ATAD3A: variants seen among roughly 807,000 people sequenced by gnomAD.
ATAD3A encodes ATPase family AAA domain-containing protein 3A.
Under a neutral mutation model 73.8 loss-of-function variants are expected in ATAD3A, and 46 were observed. The observed-to-expected ratio is 0.62, with a 90% CI of 0.49 to 0.80. The LOEUF (loss-of-function observed/expected upper bound fraction) is 0.80, where lower values mean the gene tolerates loss of function less well. ATAD3A is among the 30% of genes least tolerant of loss of function. The pLI is 0.00. For synonymous variants in ATAD3A, 319 were observed against 350.0 expected (o/e 0.91, Z 0.99); for missense variants, 705 against 838.0 (o/e 0.84, Z 1.96).
At chr1:1,527,943 A>C (rs550796385) in intron 14 of ATAD3A, 81 bp downstream of exon 14, 11 of 1,449,112 alleles carry the variant, frequency 7.6e-6, no homozygotes, top group Non-Finnish European at 1.0e-5. Flanking sequence ...CATCACTTAC[A>C]AACCTTTAAC....
At chr1:1,531,266 A>G (rs1431524034) in intron 15 of ATAD3A, among the ~76,000 whole-genome samples, 1 of 151,988 alleles carries the variant, frequency 6.6e-6, no homozygotes, top group Non-Finnish European at 1.5e-5. Context: ...CATCTGGCCA[A>G]ATGGTGAAAC....
intron 10 of ATAD3A, 39 bp from the exon 11 acceptor site, chr1:1,524,234 G>A (rs749633801): frequency 1.9e-6 from 3 of 1,613,694 alleles, no homozygotes; most frequent in Non-Finnish European, 1.7e-6. Flanking sequence ...AGAGGCGGAG[G>A]GAACATCTGC....
intron 14 of ATAD3A, among the ~76,000 whole-genome samples, chr1:1,528,598 C>T (rs1641928720): frequency 6.6e-6 from 1 of 152,242 alleles, no homozygotes; most frequent in South Asian, 2.1e-4. Context: ...GTGGGCAGAG[C>T]CCTCCAGGTG....
chr1:1,532,263 T>G (rs774462178), intron 15 of ATAD3A, among the ~76,000 whole-genome samples: 12 of 152,158 alleles, frequency 7.9e-5, no homozygotes, highest in Non-Finnish European at 1.6e-4. Context: ...TCTTGTGGTG[T>G]CTTTGTCTGG....
chr1:1,529,363 G>C, intron 15 of ATAD3A, 32 bp downstream of exon 15: 2 of 1,531,902 alleles, frequency 1.3e-6, no homozygotes, highest in Non-Finnish European at 1.8e-6. Flanking sequence ...CCACCCAGAC[G>C]GGACCCCAGC....
chr1:1,532,186 G>T (rs1426242591), intron 15 of ATAD3A, among the ~76,000 whole-genome samples: 4 of 152,194 alleles, frequency 2.6e-5, no homozygotes, highest in Admixed American at 2.6e-4. Flanking sequence ...CTCCTGAATT[G>T]GTTTTGCTGG....
intron 15 of ATAD3A, among the ~76,000 whole-genome samples, chr1:1,531,098 C>T (rs866841598): frequency 3.9e-5 from 6 of 152,036 alleles, no homozygotes; most frequent in African/African-American, 7.2e-5. Flanking sequence ...GCGGAGGATG[C>T]GGTGAGCTGA....
At chr1:1,521,979 T>C (rs917966701) in intron 7 of ATAD3A, among the ~76,000 whole-genome samples, 4 of 152,248 alleles carry the variant, frequency 2.6e-5, no homozygotes, top group African/African-American at 9.6e-5. Flanking sequence ...TCCAGCCGTC[T>C]TGGCCTCCCA....
chr1:1,525,313 G>T (rs768192090), intron 12 of ATAD3A, 22 bp downstream of exon 12: 56 of 1,613,490 alleles, frequency 3.5e-5, no homozygotes, highest in African/African-American at 6.7e-5. Flanking sequence ...TAAGCCTCTG[G>T]CCACAATGGG....
intron 2 of ATAD3A, chr1:1,516,932 G>A (rs1292194617): frequency 8.2e-5 from 53 of 646,350 alleles, no homozygotes; most frequent in South Asian, 1.0e-4. Flanking sequence ...GGCTGGTCTC[G>A]AACTACTAAC....
At chr1:1,515,851 C>T (rs1431211330) in intron 1 of ATAD3A, among the ~76,000 whole-genome samples, 161 bp from the exon 2 acceptor site, 1 of 152,208 alleles carries the variant, frequency 6.6e-6, no homozygotes, top group Non-Finnish European at 1.5e-5. Context: ...GGTGCATCGT[C>T]ACGCCAGGTC....
At chr1:1,530,932 A>C (rs564250681) in intron 15 of ATAD3A, among the ~76,000 whole-genome samples, 1 of 151,944 alleles carries the variant, frequency 6.6e-6, no homozygotes, top group South Asian at 2.1e-4. Context: ...TGAGAATATC[A>C]TACACCTGAG....
At chr1:1,519,116 C>T in intron 5 of ATAD3A, 126 bp downstream of exon 5, 2 of 1,564,978 alleles carry the variant, frequency 1.3e-6, no homozygotes, top group Non-Finnish European at 1.7e-6. Context: ...GCGAGGCCTG[C>T]TGGGGCTCCG....
chr1:1,527,948 T>A, intron 14 of ATAD3A, 86 bp downstream of exon 14: 18 of 1,361,950 alleles, frequency 1.3e-5, no homozygotes, highest in Non-Finnish European at 1.7e-5. Context: ...CTTACAAACC[T>A]TTAACATTCC....
At position 1,520,376 on chromosome 1, in the gene ATAD3A, GCT is replaced by G. The variant is rs1641547107; in HGVS notation, c.680+74_680+75del. On this transcript the variant is annotated intron_variant, in intron 6 of 15. Transcript: ENST00000378756. The surrounding 1 kb of genome is among the most constrained non-coding windows in gnomAD (Gnocchi z 4.0). ...AGGTGTGAGTCGCTGGTCCCAGGGC[GCT>G]CTCCAGCTCTTCCAGGCCTTGCCGC... is the stretch of plus-strand genomic sequence containing the variant. 2 of 1,594,276 alleles carry G rather than the reference GCT, an allele frequency of 1.3e-6. No individual in the cohort carries two copies. The highest frequency in any genetic ancestry group is 1.7e-6 in the Non-Finnish European group (2 of 1,167,116).
intron 13 of ATAD3A, chr1:1,527,245 T>C (rs1348967266): frequency 1.5e-6 from 2 of 1,292,250 alleles, no homozygotes; most frequent in Non-Finnish European, 2.0e-6. Context: ...CCAGGTCAGC[T>C]GCTGCCGGTG....
In ATAD3A at chr1:1,520,632, A is replaced by G; in HGVS notation, c.750+15A>G. 1 of 1,613,258 alleles carries G rather than the reference A, an allele frequency of 6.2e-7. No individual in the cohort carries two copies. On this transcript the variant is annotated intron_variant, in intron 7 of 15. Transcript: ENST00000378756. The surrounding 1 kb of genome is among the most constrained non-coding windows in gnomAD (Gnocchi z 4.0). ...TGACAGCCACGGTAAACATACTCAT[A>G]AAACAGGGCTGGCAGGTGGCTGAGG...
intron 15 of ATAD3A, among the ~76,000 whole-genome samples, chr1:1,530,852 A>AC (rs1642010295): frequency 6.8e-6 from 1 of 146,352 alleles, no homozygotes; most frequent in Non-Finnish European, 1.5e-5. Context: ...AAAAAAAAAA[A>AC]AAACTAAGAA....
chr1:1,518,110 C>A (rs1246696354), intron 4 of ATAD3A, among the ~76,000 whole-genome samples: 2 of 150,730 alleles, frequency 1.3e-5, no homozygotes, highest in Non-Finnish European at 3.0e-5. Flanking sequence ...CACACAGACA[C>A]CCCCACACAG....
Sources: allele counts gnomAD v4.1 joint callset (sites outside exome capture counted in the v4.1 genomes callset), GRCh38; gene constraint gnomAD v4.1.1; non-coding constraint Gnocchi (gnomAD v3.1); transcripts MANE v1.5; gene names NCBI Gene and HGNC (gene_info 2026-07-23, HGNC 2026-07-21).